Variants in ARHGAP31 observed in about 807,000 individuals in gnomAD.
The protein encoded by ARHGAP31 is Rho GTPase activating protein 31.
In ARHGAP31, 34 loss-of-function variants were observed where a neutral mutation model predicts 113.9. The observed-to-expected ratio is 0.30, with a 90% CI of 0.23 to 0.40. The LOEUF is 0.40. ARHGAP31 is among the 10% of genes least tolerant of loss of function. ARHGAP31 has a pLI of 1.00. For synonymous variants in ARHGAP31, 650 were observed against 684.8 expected, an observed-to-expected ratio of 0.95 and a Z score of 0.79; for missense variants, 1,548 against 1,767.1, an observed-to-expected ratio of 0.88 and a Z score of 2.22.
At chr3:119,375,950 C>T (rs563120480) in intron 3 of ARHGAP31, among the ~76,000 whole-genome samples, 3 of 152,286 alleles carry the variant, frequency 2.0e-5, no homozygotes, top group African/African-American at 7.2e-5. Context: ...CTCCACGGCT[C>T]CAGCAACCCT....
At chr3:119,352,169 A>G (rs1289084989) in intron 1 of ARHGAP31, among the ~76,000 whole-genome samples, 4 of 152,240 alleles carry the variant, frequency 2.6e-5, no homozygotes, top group African/African-American at 9.6e-5. Flanking sequence ...GTTTCTATGT[A>G]CAAGATGAAT....
chr3:119,334,701 G>C (rs567553333), intron 1 of ARHGAP31, among the ~76,000 whole-genome samples: 2 of 152,200 alleles, frequency 1.3e-5, no homozygotes, highest in Non-Finnish European at 2.9e-5. Context: ...ATTGAACAAC[G>C]AAGTCCACGT....
intron 1 of ARHGAP31, among the ~76,000 whole-genome samples, chr3:119,328,236 G>A (rs78209441): frequency 6.6e-6 from 1 of 152,292 alleles, no homozygotes; most frequent in African/African-American, 2.4e-5. Flanking sequence ...ACTTGCAAAT[G>A]AGACATTAAG....
chr3:119,355,384 C>G (rs2080145950), intron 1 of ARHGAP31, among the ~76,000 whole-genome samples: 1 of 151,992 alleles, frequency 6.6e-6, no homozygotes, highest in South Asian at 2.1e-4. Flanking sequence ...TTTGAGGAAT[C>G]CAGATAGCAA....
intron 1 of ARHGAP31, among the ~76,000 whole-genome samples, chr3:119,351,387 C>A (rs902062992): frequency 9.2e-5 from 14 of 152,126 alleles, no homozygotes; most frequent in Non-Finnish European, 1.9e-4. Context: ...GGAGGTTATG[C>A]TTATAAAATG....
At chr3:119,375,811 T>C (rs1444853879) in intron 3 of ARHGAP31, among the ~76,000 whole-genome samples, 3 of 152,234 alleles carry the variant, frequency 2.0e-5, no homozygotes, top group South Asian at 2.1e-4. Flanking sequence ...TCAGAATGTA[T>C]ATTTAGTTTA....
chr3:119,369,228 G>A (rs1048904307), intron 3 of ARHGAP31, among the ~76,000 whole-genome samples: 9 of 152,326 alleles, frequency 5.9e-5, no homozygotes, highest in Non-Finnish European at 1.3e-4. Flanking sequence ...ATGGGAGAAG[G>A]TGTAGAGTAG....
chr3:119,399,652 G>C (rs2080583075), intron 9 of ARHGAP31, among the ~76,000 whole-genome samples: 1 of 152,246 alleles, frequency 6.6e-6, no homozygotes, highest in Non-Finnish European at 1.5e-5. Context: ...AGAGGCCTAT[G>C]TATCTTGAAC....
At chr3:119,393,680 C>T (rs2080523592) in intron 8 of ARHGAP31, 89 bp downstream of exon 8, 5 of 1,495,204 alleles carry the variant, frequency 3.3e-6, no homozygotes, top group Non-Finnish European at 4.6e-6. Context: ...ATCAAACACA[C>T]TAGCTCTGAA....
intron 1 of ARHGAP31, among the ~76,000 whole-genome samples, chr3:119,346,299 A>G (rs1291967572): frequency 6.6e-6 from 1 of 152,200 alleles, no homozygotes; most frequent in African/African-American, 2.4e-5. Context: ...ACAATAAACA[A>G]ACCCCTCCTT....
At chr3:119,321,869 T>C (rs1576992981) in intron 1 of ARHGAP31, among the ~76,000 whole-genome samples, 1 of 152,198 alleles carries the variant, frequency 6.6e-6, no homozygotes, top group Non-Finnish European at 1.5e-5. Context: ...GCCAGGCTGG[T>C]CTTGAACTTC....
At chr3:119,390,761 T>G in intron 6 of ARHGAP31, 24 bp from the exon 7 acceptor site, 1 of 1,609,682 alleles carries the variant, frequency 6.2e-7, no homozygotes, top group Non-Finnish European at 8.5e-7. Context: ...CCTCCAACAC[T>G]GAGCTCTTCC....
intron 3 of ARHGAP31, among the ~76,000 whole-genome samples, chr3:119,377,611 G>C (rs529174092): frequency 6.6e-6 from 1 of 152,120 alleles, no homozygotes; most frequent in South Asian, 2.1e-4. Flanking sequence ...AGAGGGACCA[G>C]CTCACTTAGG....
intron 1 of ARHGAP31, among the ~76,000 whole-genome samples, chr3:119,359,374 C>A (rs2080185902): frequency 6.6e-6 from 1 of 151,414 alleles, no homozygotes; most frequent in South Asian, 2.1e-4. Flanking sequence ...AACTTTTCTC[C>A]AAGGAGGACA....
chr3:119,418,251 C>T lies in ARHGAP31; in HGVS notation c.*1987C>T, dbSNP rs559362755. ...TTGGGTGAGGAAGACATTGAACCAA[C>T]AGCCAACGAGATATGAACCTGTAAG... On this transcript the variant is annotated 3_prime_UTR_variant, in exon 12 of 12. Transcript: ENST00000264245. 6.6e-6 allele frequency: 1 copy of T among 152,120 alleles called. No individual in the cohort carries two copies. Among genetic ancestry groups the T allele is most frequent in the African/African-American group, 2.4e-5 (1 of 41,410 alleles). The allele number at this position is 152,120 out of a possible 1,614,324, so 9.4% of individuals were successfully genotyped here.
chr3:119,323,328 C>G (rs1367947937), intron 1 of ARHGAP31, among the ~76,000 whole-genome samples: 1 of 152,154 alleles, frequency 6.6e-6, no homozygotes, highest in Non-Finnish European at 1.5e-5. Flanking sequence ...GCCAGCGCTC[C>G]AGGCCGCCCA....
At chr3:119,306,020 G>A (rs2079628381) in intron 1 of ARHGAP31, among the ~76,000 whole-genome samples, 3 of 152,194 alleles carry the variant, frequency 2.0e-5, no homozygotes, top group Admixed American at 2.0e-4. Flanking sequence ...ATGGAAAGGA[G>A]GGCTAGTTCT....
At chr3:119,406,887 C>T (rs1397057751) in intron 10 of ARHGAP31, among the ~76,000 whole-genome samples, 1 of 152,152 alleles carries the variant, frequency 6.6e-6, no homozygotes, top group African/African-American at 2.4e-5. Flanking sequence ...GTCCCAGTTG[C>T]TGAAAATGGG....
chr3:119,345,777 C>T (rs2080051087), intron 1 of ARHGAP31, among the ~76,000 whole-genome samples: 1 of 152,136 alleles, frequency 6.6e-6, no homozygotes, highest in South Asian at 2.1e-4. Context: ...GTCCCTCTTC[C>T]CAGGTGCTTG....
Sources: gnomAD v4.1 joint callset for allele counts (sites outside exome capture counted in the v4.1 genomes callset) on GRCh38, gnomAD v4.1.1 for gene constraint, MANE v1.5 for transcripts, NCBI Gene and HGNC (gene_info 2026-07-23, HGNC 2026-07-21) for gene names.